ABCC1: variants seen among roughly 807,000 people sequenced by gnomAD.
The protein encoded by ABCC1 is ATP binding cassette subfamily C member 1 (ABCC1 blood group).
A neutral mutation model predicts 172.9 loss-of-function variants in ABCC1; 83 were observed. That is an observed-to-expected ratio of 0.48 (90% CI 0.40 to 0.58). ABCC1 has a LOEUF of 0.58. Ranked by LOEUF, ABCC1 falls within the 20% of genes least tolerant of loss-of-function variation. ABCC1 has a pLI of 0.00. For missense variants in ABCC1, 1,817 were observed against 2,002.7 expected (o/e 0.91, Z 1.77); for synonymous variants, 937 against 825.2 (o/e 1.14, Z -2.32).
chr16:16,038,017 C>T (rs1282859943), intron 7 of ABCC1, among the ~76,000 whole-genome samples: 1 of 151,762 alleles, frequency 6.6e-6, no homozygotes, highest in Non-Finnish European at 1.5e-5. Flanking sequence ...CTGTTTATTA[C>T]AGTTCTTCAT....
At chr16:16,110,141 T>C (rs1343593982) in intron 21 of ABCC1, among the ~76,000 whole-genome samples, 1 of 151,692 alleles carries the variant, frequency 6.6e-6, no homozygotes, top group Non-Finnish European at 1.5e-5. Context: ...TGTCTCCCTC[T>C]GTCACCCAGG....
At chr16:16,113,916 G>C (rs528523085) in intron 22 of ABCC1, among the ~76,000 whole-genome samples, 10 of 152,240 alleles carry the variant, frequency 6.6e-5, no homozygotes, top group East Asian at 5.8e-4. Context: ...GTTCACAATA[G>C]GGTTCGCACT....
At chr16:16,045,216 G>A (rs1403665345) in intron 8 of ABCC1, among the ~76,000 whole-genome samples, 2 of 151,800 alleles carry the variant, frequency 1.3e-5, no homozygotes, top group African/African-American at 2.4e-5. Context: ...AGCCTGGCCA[G>A]CATGGTAAAA....
At chr16:15,997,195 G>A (rs1315688214) in intron 1 of ABCC1, among the ~76,000 whole-genome samples, 3 of 151,520 alleles carry the variant, frequency 2.0e-5, no homozygotes, top group Admixed American at 2.0e-4. Flanking sequence ...GGGTTCAAGC[G>A]ATTCTCCTGT....
At chr16:16,133,678 A>C (rs955120941) in intron 27 of ABCC1, among the ~76,000 whole-genome samples, 1 of 152,148 alleles carries the variant, frequency 6.6e-6, no homozygotes, top group African/African-American at 2.4e-5. Flanking sequence ...TGCTGGGACT[A>C]CAGGCATGAG....
At chr16:16,015,219 A>G (rs2047951478) in intron 4 of ABCC1, among the ~76,000 whole-genome samples, 1 of 147,802 alleles carries the variant, frequency 6.8e-6, no homozygotes, top group South Asian at 2.1e-4. Flanking sequence ...GGCTCACTGT[A>G]ACTTCTACCT....
intron 20 of ABCC1, among the ~76,000 whole-genome samples, chr16:16,103,812 T>C (rs541652357): frequency 1.3e-5 from 2 of 152,202 alleles, no homozygotes; most frequent in African/African-American, 4.8e-5. Context: ...CATCCGGACA[T>C]GGTTATGGTC....
intron 1 of ABCC1, among the ~76,000 whole-genome samples, chr16:15,958,618 C>T (rs1291832769): frequency 6.6e-6 from 1 of 152,168 alleles, no homozygotes; most frequent in Non-Finnish European, 1.5e-5. Flanking sequence ...GTCAGTACAA[C>T]TCTAGCTCGT....
At chr16:16,050,647 C>T (rs1051573151) in intron 10 of ABCC1, among the ~76,000 whole-genome samples, 1 of 144,198 alleles carries the variant, frequency 6.9e-6, no homozygotes, top group Admixed American at 7.4e-5. Flanking sequence ...AATCCCTGCA[C>T]TTTGGGAGGC....
chr16:16,069,167 TA>T (rs1227572014), intron 13 of ABCC1, among the ~76,000 whole-genome samples: 2 of 121,320 alleles, frequency 1.6e-5, no homozygotes, highest in African/African-American at 6.7e-5. Context: ...TAAAATAAAA[TA>T]AAAATAAATA....
At position 16,136,540 on chromosome 16, in the gene ABCC1, T is replaced by C. The variant is rs903792697; in HGVS notation, c.4188T>C (p.Asp1396=). 6.2e-7 allele frequency: 1 copy of C among 1,614,056 alleles called. No homozygotes were observed. Among genetic ancestry groups the C allele is most frequent in the Admixed American group, 1.7e-5 (1 of 60,002 alleles). Residue 1396 remains aspartate, a synonymous_variant, in exon 29 of 31, where the codon GAT becomes GAC. Transcript: ENST00000399410. Reference sequence around the variant, plus strand: ...TGGACCCATTCAGCCAGTACTCGGATGAAGAAGTCTGGACGTCCCTGGAGC... The same window carrying C: ...TGGACCCATTCAGCCAGTACTCGGACGAAGAAGTCTGGACGTCCCTGGAGC... ...MNLDPFSQYS[D]EEVWTSLELA... is the part of the protein sequence containing the mutation.
rs201602318 is a variant in ABCC1 at position 16,114,858 on chromosome 16, C to T, written c.3172C>T (p.Arg1058Trp). Reference sequence around the variant, plus strand: ...CGTGGACCTGCTGCACAGCATCCTGCGGTCACCCATGAGCTTCTTTGAGCG... The same window carrying T: ...CGTGGACCTGCTGCACAGCATCCTGTGGTCACCCATGAGCTTCTTTGAGCG... ...LHVDLLHSIL[R>W]SPMSFFERTP... Residue 1058 changes from arginine to tryptophan, a missense_variant, in exon 23 of 31, where the codon CGG (arginine) becomes TGG (tryptophan). This residue lies in a region of ABCC1 where 1,412 missense variants were observed against 1,600.3 expected (regional missense o/e 0.88). Transcript: ENST00000399410. 2.8e-5 allele frequency: 45 copies of T among 1,613,926 alleles called. No individual in the cohort carries two copies. The highest frequency in any genetic ancestry group is 9.3e-5 in the African/African-American group (7 of 75,064).
chr16:16,075,346 C>G (rs185443813), intron 14 of ABCC1, among the ~76,000 whole-genome samples: 1 of 151,422 alleles, frequency 6.6e-6, no homozygotes, highest in Admixed American at 6.6e-5. Context: ...TGGAGCTGGC[C>G]GGGCATGGTG....
Position 16,033,109 on chromosome 16 carries a change from A to G in ABCC1, c.616A>G (p.Asn206Asp). 1 of 1,614,114 alleles carries G rather than the reference A, an allele frequency of 6.2e-7. No homozygotes were observed. Among genetic ancestry groups the G allele is most frequent in the Non-Finnish European group, 8.5e-7 (1 of 1,179,982 alleles). ...PLFSETIHDP[N>D]PCPESSASFL... is the part of the protein sequence containing the mutation. ...CAAACCTGTGCTTTCTTTCCACTAG[A>G]ATCCCTGCCCAGAGTCCAGCGCTTC... Residue 206 changes from asparagine (N) to aspartate (D), a missense_variant and splice_region_variant, in exon 6 of 31, where the codon AAT (asparagine) becomes GAT (aspartate). Around this residue, in one of 3 missense-constraint regions of ABCC1, gnomAD observed 398 missense variants for 384.2 expected, o/e 1.04. Coordinates refer to ENST00000399410, the MANE Select transcript of ABCC1 (RefSeq NM_004996.4).
At chr16:16,093,159 A>C (rs1036948212) in intron 19 of ABCC1, among the ~76,000 whole-genome samples, 4 of 150,128 alleles carry the variant, frequency 2.7e-5, no homozygotes, top group African/African-American at 7.4e-5. Context: ...CCCTTTGTCT[A>C]TCTCTCAGCC....
rs114330050 is a variant in ABCC1, at chr16:16,116,545, C to T, written c.3390+1469C>T. ...CAATATGCCAGTATCACTACTTCTCCACATTAGAGGCGTTATTTTTATTAC... is the reference window on the plus strand; with the variant it reads ...CAATATGCCAGTATCACTACTTCTCTACATTAGAGGCGTTATTTTTATTAC... On this transcript the variant is annotated intron_variant, in intron 23 of 30. Transcript: ENST00000399410. Among the ~76,000 whole-genome samples the T allele has an allele frequency of 1.8e-3, 275 of 151,912 alleles. 3 individuals are homozygous for T. Among genetic ancestry groups the T allele is most frequent in the African/African-American group, 6.5e-3 (269 of 41,442 alleles).
intron 1 of ABCC1, among the ~76,000 whole-genome samples, chr16:15,952,169 A>G (rs1474880728): frequency 6.6e-6 from 1 of 152,236 alleles, no homozygotes; most frequent in Non-Finnish European, 1.5e-5. Context: ...CGAAGGGTCA[A>G]TGAGTTAATC....
intron 17 of ABCC1, 141 bp downstream of exon 17, chr16:16,083,683 C>T: frequency 2.8e-6 from 3 of 1,082,184 alleles, no homozygotes; most frequent in Admixed American, 2.5e-5. Flanking sequence ...CTGCACGCTG[C>T]AGGCCAGCTG....
At chr16:16,026,465 CTTTTTTTTTTTT>C (rs1157942197) in intron 5 of ABCC1, among the ~76,000 whole-genome samples, 2 of 95,502 alleles carry the variant, frequency 2.1e-5, no homozygotes, top group East Asian at 3.6e-4. Context: ...AGGCTATTTC[CTTTTTTTTTTTT>C]TTTTTTTTTT....
Sources: allele counts gnomAD v4.1 joint callset (sites outside exome capture counted in the v4.1 genomes callset), GRCh38; gene constraint gnomAD v4.1.1; regional missense constraint gnomAD v4.1.1; transcripts MANE v1.5; gene names NCBI Gene and HGNC (gene_info 2026-07-23, HGNC 2026-07-21).